The following NRAP variants were observed in gnomAD, a reference collection of about 807,000 sequenced individuals.
NRAP encodes nebulin-related-anchoring protein.
NRAP carries 189 observed loss-of-function variants against 225.9 expected under a neutral mutation model. The observed-to-expected ratio is 0.84, with a 90% CI of 0.74 to 0.94. The LOEUF is 0.94. NRAP is among the 40% of genes least tolerant of loss of function. NRAP has a pLI of 0.00. For missense variants in NRAP, 2,176 were observed against 2,168.7 expected, an observed-to-expected ratio of 1.00 and a Z score of -0.07; for synonymous variants, 769 against 790.7, an observed-to-expected ratio of 0.97 and a Z score of 0.46.
At position 113,659,821 on chromosome 10, in the gene NRAP, C is replaced by G. The variant is rs7087807; in HGVS notation, c.256-2247G>C. On this transcript the variant is annotated intron_variant, in intron 3 of 41. Transcript: ENST00000359988. ...ATGCCAGCTTAAAATCTCTACTTTT[C>G]TCCTTCATCACCATCACTGAAAAAT... Among the ~76,000 whole-genome samples, 1,098 of 152,310 alleles carry G rather than the reference C, an allele frequency of 7.2e-3. 14 individuals carry two copies. The highest frequency in any genetic ancestry group is 0.025 in the African/African-American group (1,053 of 41,566).
intron 18 of NRAP, 73 bp downstream of exon 18, chr10:113,631,436 G>GA: frequency 1.2e-6 from 1 of 834,712 alleles, no homozygotes; most frequent in Admixed American, 2.4e-5. Flanking sequence ...AGTCCCAGGT[G>GA]AAGTAGGCCC....
intron 3 of NRAP, among the ~76,000 whole-genome samples, chr10:113,661,578 C>T (rs1333276105): frequency 6.6e-6 from 1 of 152,148 alleles, no homozygotes; most frequent in Non-Finnish European, 1.5e-5. Context: ...CTTCATCCCA[C>T]AGAGCAACTT....
chr10:113,608,081 C>T (rs908302901), intron 32 of NRAP, among the ~76,000 whole-genome samples: 1 of 152,228 alleles, frequency 6.6e-6, no homozygotes, highest in Non-Finnish European at 1.5e-5. Flanking sequence ...CTTCTCAGAT[C>T]TTCATGTGCC....
Position 113,640,210 on chromosome 10 carries a change from G to T in NRAP, c.1428+17C>A, listed in dbSNP as rs1278508305. On this transcript the variant is annotated intron_variant, in intron 14 of 41. Transcript: ENST00000359988. ...GACAAGTGACAAAGCAGAAAGAGCT[G>T]TTGGAAAAGAACTTACATCTTTCAA... 5 of 1,455,520 alleles carry T rather than the reference G, an allele frequency of 3.4e-6. No homozygotes were observed. Among genetic ancestry groups the T allele is most frequent in the Non-Finnish European group, 4.8e-6 (5 of 1,048,950 alleles). 90.2% of individuals were successfully genotyped at this position (1,455,520 alleles called of 1,614,324 possible).
intron 38 of NRAP, among the ~76,000 whole-genome samples, chr10:113,594,832 G>A (rs1564694621): frequency 6.6e-6 from 1 of 152,228 alleles, no homozygotes; most frequent in Non-Finnish European, 1.5e-5. Flanking sequence ...CTGTTGATCT[G>A]CACGGAGCCC....
At chr10:113,655,571 T>C (rs1850261748) in intron 4 of NRAP, among the ~76,000 whole-genome samples, 1 of 151,874 alleles carries the variant, frequency 6.6e-6, no homozygotes, top group Admixed American at 6.6e-5. Context: ...TTCTCCTGCC[T>C]CAGCCTCCCG....
intron 1 of NRAP, 36 bp from the exon 2 acceptor site, chr10:113,663,482 T>C: frequency 7.9e-7 from 1 of 1,259,320 alleles, no homozygotes; most frequent in Non-Finnish European, 1.2e-6. Flanking sequence ...GCAATTACCC[T>C]TTTCCCCCCA....
chr10:113,649,442 A>G (rs1384011100), intron 9 of NRAP, among the ~76,000 whole-genome samples: 2 of 152,208 alleles, frequency 1.3e-5, no homozygotes, highest in African/African-American at 4.8e-5. Context: ...CTACCCTACA[A>G]CACCTGGCTA....
Position 113,656,841 on chromosome 10 carries a change from T to C in NRAP, c.360+629A>G, listed in dbSNP as rs570779911. On this transcript the variant is annotated intron_variant, in intron 4 of 41. Transcript: ENST00000359988. ...CAAGATTGACGAGAGTGGGTACTTGTACAAAGAAAACTGGAATTGGAGGTG... is the reference window on the plus strand; with the variant it reads ...CAAGATTGACGAGAGTGGGTACTTGCACAAAGAAAACTGGAATTGGAGGTG... 3.3e-4 allele frequency among the ~76,000 whole-genome samples: 50 copies of C among 152,334 alleles called. 1 individual carries two copies. The East Asian group carries it at 8.7e-3, about 26-fold the overall frequency.
chr10:113,600,001 T>C (rs767381506), intron 35 of NRAP, among the ~76,000 whole-genome samples: 2 of 152,226 alleles, frequency 1.3e-5, no homozygotes, highest in African/African-American at 2.4e-5. Flanking sequence ...GAAGGAATGA[T>C]GTAAACCATT....
Position 113,588,838 on chromosome 10 carries a change from G to T in NRAP, c.*137C>A. On this transcript the variant is annotated 3_prime_UTR_variant, in exon 42 of 42. Coordinates refer to ENST00000359988, the MANE Select transcript of NRAP (RefSeq NM_198060.4). Reference sequence around the variant, plus strand: ...ATACAACATTCTCCATCTGCTTTCAGAGTTATTATTTTAATAAAGGAAGAT... The same window carrying T: ...ATACAACATTCTCCATCTGCTTTCATAGTTATTATTTTAATAAAGGAAGAT... 1 of 695,878 alleles carries T rather than the reference G, an allele frequency of 1.4e-6. No individual in the cohort carries two copies. The highest frequency in any genetic ancestry group is 2.5e-5 in the East Asian group (1 of 40,184). 43.1% of individuals were successfully genotyped at this position (695,878 alleles called of 1,614,324 possible).
intron 40 of NRAP, among the ~76,000 whole-genome samples, chr10:113,590,156 T>TTAA (rs2133809224): frequency 6.6e-6 from 1 of 152,282 alleles, no homozygotes; most frequent in Non-Finnish European, 1.5e-5. Context: ...AAAGGCTGGG[T>TTAA]TAATAGCTAA....
At position 113,612,229 on chromosome 10, in the gene NRAP, C is replaced by T. The variant is rs1847373793; in HGVS notation, c.3498+5G>A. The T allele has an allele frequency of 2.5e-6, 4 of 1,613,770 alleles. No individual in the cohort carries two copies. The East Asian group carries it at 8.9e-5, about 36-fold the overall frequency. ...GGCCCTGAGAAAGAGGCCAGGTCTC[C>T]TTACCTCACTCTGCAATTTGTGAGC... On this transcript the variant is annotated splice_donor_5th_base_variant and intron_variant, in intron 30 of 41. Transcript: ENST00000359988.
intron 10 of NRAP, among the ~76,000 whole-genome samples, chr10:113,646,151 C>T (rs1329345864): frequency 6.6e-6 from 1 of 152,100 alleles, no homozygotes; most frequent in Admixed American, 6.6e-5. Flanking sequence ...CCTTTTCACA[C>T]TTTTTATACT....
intron 30 of NRAP, among the ~76,000 whole-genome samples, chr10:113,611,830 CA>C (rs1847342790): frequency 6.6e-6 from 1 of 152,196 alleles, no homozygotes; most frequent in African/African-American, 2.4e-5. Flanking sequence ...CATGCACAAC[CA>C]TGAACCTTGA....
At position 113,606,256 on chromosome 10, in the gene NRAP, A is replaced by G; in HGVS notation, c.3729T>C (p.Asp1243=). ...NERLYKAAGE[D]ARHEYTMTLG... is the part of the protein sequence containing the mutation. ...GGGTCATTGTATACTCGTGTCTTGC[A>G]TCCTCTCCAGCTGCTTTATAGAGGC... Residue 1243 remains aspartate (D), a synonymous_variant, in exon 33 of 42, where the codon GAT becomes GAC. Transcript: ENST00000359988. 3 of 1,613,992 alleles carry G rather than the reference A, an allele frequency of 1.9e-6. No homozygotes were observed. Among genetic ancestry groups the G allele is most frequent in the Non-Finnish European group, 2.5e-6 (3 of 1,179,834 alleles).
chr10:113,639,035 A>G (rs915223766), intron 14 of NRAP, among the ~76,000 whole-genome samples: 1 of 150,678 alleles, frequency 6.6e-6, no homozygotes, highest in Non-Finnish European at 1.5e-5. Context: ...AAAAGCACAT[A>G]TTCAAATTTT....
intron 35 of NRAP, among the ~76,000 whole-genome samples, chr10:113,601,710 G>T (rs532957799): frequency 2.0e-5 from 3 of 152,150 alleles, no homozygotes; most frequent in Admixed American, 2.0e-4. Flanking sequence ...TTTCTTTTCA[G>T]AAATAACAGT....
chr10:113,627,440 C>T (rs1848347276), intron 20 of NRAP, among the ~76,000 whole-genome samples: 1 of 152,174 alleles, frequency 6.6e-6, no homozygotes, highest in African/African-American at 2.4e-5. Flanking sequence ...GAGATAGAAA[C>T]TGACATTCCT....
Sources: gnomAD v4.1 joint callset for allele counts (sites outside exome capture counted in the v4.1 genomes callset) on GRCh38, gnomAD v4.1.1 for gene constraint, MANE v1.5 for transcripts, NCBI Gene and HGNC (gene_info 2026-07-23, HGNC 2026-07-21) for gene names.